Variants in CSMD1 observed in about 807,000 individuals in gnomAD.
CSMD1 encodes CUB and Sushi multiple domains 1.
CSMD1 carries 213 observed loss-of-function variants against 417.5 expected under a neutral mutation model. That is an observed-to-expected ratio of 0.51 (90% CI 0.46 to 0.57). CSMD1 has a LOEUF of 0.57. CSMD1 is among the 20% of genes least tolerant of loss of function. The pLI is 0.00. For missense variants in CSMD1, 6,923 were observed against 4,529.7 expected (o/e 1.53, Z -15.17); for synonymous variants, 2,862 against 1,736.8 (o/e 1.65, Z -16.11).
intron 11 of CSMD1, among the ~76,000 whole-genome samples, chr8:3,489,978 A>C (rs1300165885): frequency 6.6e-6 from 1 of 152,242 alleles, no homozygotes; most frequent in African/African-American, 2.4e-5. Flanking sequence ...AAACTATTCC[A>C]GTCTATCTGT....
At chr8:3,237,399 G>A (rs1198794330) in intron 26 of CSMD1, among the ~76,000 whole-genome samples, 1 of 151,692 alleles carries the variant, frequency 6.6e-6, no homozygotes, top group Non-Finnish European at 1.5e-5. Flanking sequence ...GGAGGTTACA[G>A]TGAGCTGAGA....
chr8:4,469,924 G>C (rs913355024), intron 2 of CSMD1, among the ~76,000 whole-genome samples: 1 of 151,400 alleles, frequency 6.6e-6, no homozygotes, highest in African/African-American at 2.4e-5. Context: ...CTGGAGTGCA[G>C]TGGTGTGATC....
chr8:3,002,691 T>G (rs1211766188), intron 52 of CSMD1, among the ~76,000 whole-genome samples: 1 of 152,240 alleles, frequency 6.6e-6, no homozygotes, highest in East Asian at 1.9e-4. Flanking sequence ...TTTTTGTAAG[T>G]GCACATAGTT....
At position 3,872,849 on chromosome 8, in the gene CSMD1, AAAG is replaced by A. The variant is rs568442927; in HGVS notation, c.819-118810_819-118808del. On this transcript the variant is annotated intron_variant, in intron 5 of 69. Transcript: ENST00000635120. ...ACAATAAGACAGCTCCAAAAAAAAA[AAAG>A]AAAGAAAAAAGAAAACAGCTGCATT... 8.2e-4 allele frequency among the ~76,000 whole-genome samples: 125 copies of A among 151,998 alleles called. 4 individuals carry two copies. In the South Asian group the frequency reaches 0.025, roughly 30 times the overall value.
rs546252376 is a variant in CSMD1, at chr8:4,432,892, G to T, written c.303-12827C>A. 5.3e-3 allele frequency among the ~76,000 whole-genome samples: 802 copies of T among 152,302 alleles called. 14 individuals are homozygous for T. The highest frequency in any genetic ancestry group is 3.9e-3 in the Non-Finnish European group (263 of 68,028). On this transcript the variant is annotated intron_variant, in intron 2 of 69. Coordinates refer to ENST00000635120, the MANE Select transcript of CSMD1 (RefSeq NM_033225.6). Reference sequence around the variant, plus strand: ...AGCCACGAATGTGGCTGCCCATCAAGGGGTGAGCAGCAGAAGCCAGAGAGG... The same window carrying T: ...AGCCACGAATGTGGCTGCCCATCAATGGGTGAGCAGCAGAAGCCAGAGAGG...
At chr8:4,261,396 G>T (rs1346479827) in intron 3 of CSMD1, among the ~76,000 whole-genome samples, 1 of 152,152 alleles carries the variant, frequency 6.6e-6, no homozygotes, top group African/African-American at 2.4e-5. Context: ...AATGGTAGTT[G>T]CCAGGGGCTG....
chr8:3,888,549 G>C (rs946789052), intron 5 of CSMD1, among the ~76,000 whole-genome samples: 7 of 152,202 alleles, frequency 4.6e-5, no homozygotes, highest in Admixed American at 3.9e-4. Flanking sequence ...CATGCCTCTT[G>C]TATCAAGTAC....
intron 18 of CSMD1, among the ~76,000 whole-genome samples, chr8:3,373,054 T>A (rs551269920): frequency 6.6e-6 from 1 of 152,298 alleles, no homozygotes; most frequent in South Asian, 2.1e-4. Context: ...GTAAAACATT[T>A]TATGTAAAAC....
intron 1 of CSMD1, among the ~76,000 whole-genome samples, chr8:4,650,961 C>T (rs990131531): frequency 1.5e-4 from 23 of 152,148 alleles, no homozygotes; most frequent in African/African-American, 5.3e-4. Context: ...GAAACTTGTA[C>T]TCATAAGTTA....
chr8:4,715,526 C>A (rs1329605204), intron 1 of CSMD1, among the ~76,000 whole-genome samples: 3 of 152,136 alleles, frequency 2.0e-5, no homozygotes, highest in Non-Finnish European at 4.4e-5. Context: ...TCAGACTTCC[C>A]CTTTTAATTG....
chr8:4,252,546 T>G (rs776904471), intron 3 of CSMD1, among the ~76,000 whole-genome samples: 1 of 152,216 alleles, frequency 6.6e-6, no homozygotes, highest in Non-Finnish European at 1.5e-5. Flanking sequence ...CCTTAGAATT[T>G]GACCCTATGA....
At chr8:3,989,607 TC>T (rs1383266759) in intron 5 of CSMD1, among the ~76,000 whole-genome samples, 1 of 152,200 alleles carries the variant, frequency 6.6e-6, no homozygotes, top group Admixed American at 6.5e-5. Flanking sequence ...TCAGGTGCCA[TC>T]TATTTTAAAT....
chr8:3,002,414 A>G (rs1233714757), intron 52 of CSMD1, among the ~76,000 whole-genome samples: 1 of 152,200 alleles, frequency 6.6e-6, no homozygotes, highest in African/African-American at 2.4e-5. Context: ...GCCCAGCACA[A>G]GAGATCCCAG....
intron 1 of CSMD1, among the ~76,000 whole-genome samples, chr8:4,814,763 G>A (rs1288047191): frequency 6.6e-6 from 1 of 151,956 alleles, no homozygotes; most frequent in African/African-American, 2.4e-5. Context: ...TCATTGATAA[G>A]GAAATGTTCT....
At chr8:4,616,496 C>G (rs1403011738) in intron 2 of CSMD1, among the ~76,000 whole-genome samples, 1 of 152,164 alleles carries the variant, frequency 6.6e-6, no homozygotes, top group African/African-American at 2.4e-5. Flanking sequence ...CCTGCTCACT[C>G]TCTCTAAATC....
Position 2,938,550 on chromosome 8 carries a change from A to T in CSMD1, c.*35T>A, listed in dbSNP as rs1246846118. The T allele has an allele frequency of 6.3e-7, 1 of 1,586,070 alleles. No homozygotes were observed. The highest frequency in any genetic ancestry group is 1.7e-5 in the Admixed American group (1 of 57,280). On this transcript the variant is annotated 3_prime_UTR_variant, in exon 70 of 70. Coordinates refer to ENST00000635120, the MANE Select transcript of CSMD1 (RefSeq NM_033225.6). The stretch of plus-strand genomic sequence containing the variant: ...GAATCACTGCTTGTCCATCAGAGGT[A>T]TGGCTATGAATCAGTCCTGTTGGGG...
intron 11 of CSMD1, among the ~76,000 whole-genome samples, chr8:3,472,041 T>C (rs1170394213): frequency 6.6e-6 from 1 of 152,110 alleles, no homozygotes; most frequent in Non-Finnish European, 1.5e-5. Flanking sequence ...TATGCCACCA[T>C]GCAACATGAC....
At chr8:3,137,427 G>A (rs956838251) in intron 41 of CSMD1, among the ~76,000 whole-genome samples, 1 of 152,208 alleles carries the variant, frequency 6.6e-6, no homozygotes. Flanking sequence ...TCACAGGTGT[G>A]CACTGGGGAG....
chr8:3,609,403 T>A (rs1413296746), intron 8 of CSMD1, among the ~76,000 whole-genome samples: 1 of 152,204 alleles, frequency 6.6e-6, no homozygotes, highest in African/African-American at 2.4e-5. Context: ...TGGTGAAAAA[T>A]ACTGTCAGCA....
Sources: gnomAD v4.1 joint callset for allele counts (sites outside exome capture counted in the v4.1 genomes callset) on GRCh38, gnomAD v4.1.1 for gene constraint, MANE v1.5 for transcripts, NCBI Gene and HGNC (gene_info 2026-07-23, HGNC 2026-07-21) for gene names.